The following SHISA7 variants were observed in gnomAD, a reference collection of about 807,000 sequenced individuals.
SHISA7 encodes shisa family member 7.
A neutral mutation model predicts 23.9 loss-of-function variants in SHISA7; 6 were observed. The ratio of observed to expected loss-of-function variants is 0.25; its 90% CI spans 0.14 to 0.50. The LOEUF (loss-of-function observed/expected upper bound fraction) is 0.50, where lower values mean the gene tolerates loss of function less well. Ranked by LOEUF, SHISA7 falls within the 20% of genes least tolerant of loss-of-function variation. The probability of loss-of-function intolerance (pLI) is 0.98; values close to 1 mark genes in which losing one functional copy is unlikely to be tolerated. For missense variants in SHISA7, 671 were observed against 801.1 expected (o/e 0.84, Z 1.96); for synonymous variants, 386 against 398.3 (o/e 0.97, Z 0.37).
Position 55,430,703 on chromosome 19 carries a change from A to G in SHISA7, c.*2453T>C, listed in dbSNP as rs1985164782. 6.6e-6 allele frequency: 1 copy of G among 151,358 alleles called. No individual in the cohort carries two copies. The highest frequency in any genetic ancestry group is 2.1e-4 in the South Asian group (1 of 4,784). 9.4% of individuals were successfully genotyped at this position (151,358 alleles called of 1,614,324 possible). ...GATGATGACACCAGGGTTATGGTGG[A>G]TCCTAGTGGATGGTGACAGCACTGG... On this transcript the variant is annotated 3_prime_UTR_variant, in exon 4 of 4. Coordinates refer to ENST00000376325, the MANE Select transcript of SHISA7 (RefSeq NM_001145176.2).
At chr19:55,434,411 GGT>G (rs538856764) in intron 3 of SHISA7, among the ~76,000 whole-genome samples, 2,054 of 141,604 alleles carry the variant, frequency 0.015, 20 homozygotes, top group Non-Finnish European at 0.022. Flanking sequence ...TGGTGTGTGT[GGT>G]GTGTGTGTAT....
rs1985263510 is a variant in SHISA7 at position 55,433,474 on chromosome 19, G to C, written c.1299C>G (p.Arg433=). The C allele has an allele frequency of 4.2e-6, 6 of 1,414,474 alleles. 1 individual carries two copies. The highest frequency in any genetic ancestry group is 5.5e-6 in the Non-Finnish European group (6 of 1,090,794). The allele number at this position is 1,414,474 out of a possible 1,614,324, so 87.6% of individuals were successfully genotyped here. A position where few individuals can be genotyped will look rare whatever the true frequency, so the allele number is the denominator to read the frequency against. The change falls in exon 4 of 4, where the codon CGC becomes CGG. Residue 433 remains arginine (R), a synonymous_variant. Coordinates refer to ENST00000376325, the MANE Select transcript of SHISA7 (RefSeq NM_001145176.2). The surrounding 1 kb of genome is among the most constrained non-coding windows in gnomAD (Gnocchi z 8.4). ...TGGGGTCGGGGGGCAGCGCGGGGCT[G>C]CGCGGGGGCGACAGCAGGTGCTCGC... ...QSREHLLSPP[R]SPALPPDPTA...
Position 55,442,225 on chromosome 19 carries a change from C to A in SHISA7, c.639G>T (p.Ala213=). ...CGTTGATATCCCGGTGCGCCCGGGG[C>A]GCACGGGACGCCTTGCTGAAGGCCA... The part of the protein sequence containing the change: ...AKVAFSKASR[A]PRAHRDINVP... The change falls in exon 1 of 4, where the codon GCG becomes GCT. Residue 213 remains alanine, a synonymous_variant. Transcript: ENST00000376325. 1 of 1,534,112 alleles carries A rather than the reference C, an allele frequency of 6.5e-7. No homozygotes were observed. Among genetic ancestry groups the A allele is most frequent in the Non-Finnish European group, 8.7e-7 (1 of 1,145,868 alleles).
At position 55,431,097 on chromosome 19, in the gene SHISA7, A is replaced by T. The variant is rs1346909303; in HGVS notation, c.*2059T>A. 6.6e-6 allele frequency: 1 copy of T among 152,134 alleles called. No individual in the cohort carries two copies. The highest frequency in any genetic ancestry group is 1.5e-5 in the Non-Finnish European group (1 of 68,058). 9.4% of individuals were successfully genotyped at this position (152,134 alleles called of 1,614,324 possible). ...TGGCTCTCGTGGATCCTGGCAGGTG[A>T]TAACACCATAGTTGAAGTGGATACT... On this transcript the variant is annotated 3_prime_UTR_variant, in exon 4 of 4. Coordinates refer to ENST00000376325, the MANE Select transcript of SHISA7 (RefSeq NM_001145176.2).
chr19:55,436,632 G>A (rs949798100), intron 3 of SHISA7, among the ~76,000 whole-genome samples: 1 of 151,908 alleles, frequency 6.6e-6, no homozygotes, highest in African/African-American at 2.4e-5. Context: ...TTTCTGGCTG[G>A]GTATGGTGGG....
intron 2 of SHISA7, 82 bp downstream of exon 2, chr19:55,440,529 G>C: frequency 8.2e-7 from 1 of 1,213,986 alleles, no homozygotes; most frequent in Non-Finnish European, 1.0e-6. Context: ...GATGGGGGTG[G>C]AGCCGCCATG....
At position 55,443,134 on chromosome 19, in the gene SHISA7, G is replaced by A. The variant is rs531196574; in HGVS notation, c.-271C>T. Among the ~76,000 whole-genome samples, 1 of 151,748 alleles carries A rather than the reference G, an allele frequency of 6.6e-6. No homozygotes were observed. Among genetic ancestry groups the A allele is most frequent in the Admixed American group, 6.6e-5 (1 of 15,248 alleles). On this transcript the variant is annotated 5_prime_UTR_variant, in exon 1 of 4. Transcript: ENST00000376325. ...TGGGAGAGTAATGGAAACGCGCCCG[G>A]GCACGGCTGGGGGAGAGAAATGAGC... is the stretch of plus-strand genomic sequence containing the variant.
Position 55,433,238 on chromosome 19 carries a change from G to A in SHISA7, c.1535C>T (p.Thr512Met). The change falls in exon 4 of 4, where the codon ACG becomes ATG. Residue 512 changes from threonine to methionine, a missense_variant. This residue lies in a region of SHISA7 where 457 missense variants were observed against 488.3 expected (regional missense o/e 0.94). Transcript: ENST00000376325. The surrounding 1 kb of genome is among the most constrained non-coding windows in gnomAD (Gnocchi z 8.4). ...ARRPPFQRQG[T>M]LEQLQFIPGH... Reference sequence around the variant, plus strand: ...CGGGATGAACTGCAGCTGCTCCAGCGTGCCCTGGCGCTGGAAGGGCGGCCT... The same window carrying A: ...CGGGATGAACTGCAGCTGCTCCAGCATGCCCTGGCGCTGGAAGGGCGGCCT... 1 of 1,523,976 alleles carries A rather than the reference G, an allele frequency of 6.6e-7. No homozygotes were observed. The allele number at this position is 1,523,976 out of a possible 1,614,324, so 94.4% of individuals were successfully genotyped here.
chr19:55,435,142 A>G (rs1024020778), intron 3 of SHISA7, among the ~76,000 whole-genome samples: 159 of 35,664 alleles, frequency 4.5e-3, no homozygotes, highest in Middle Eastern at 0.071. Context: ...GTGTATGTGT[A>G]TGGTGTGTGT....
chr19:55,435,202 GTGGTGTGTGTA>G (rs770923478), intron 3 of SHISA7, among the ~76,000 whole-genome samples: 151 of 137,170 alleles, frequency 1.1e-3, no homozygotes, highest in Non-Finnish European at 1.9e-3. Flanking sequence ...GTATGTGTGT[GTGGTGTGTGTA>G]TGGTGTGTGT....
chr19:55,436,241 G>T (rs1460938975), intron 3 of SHISA7, among the ~76,000 whole-genome samples: 1 of 148,908 alleles, frequency 6.7e-6, no homozygotes, highest in Admixed American at 6.7e-5. Context: ...GAGCCGAGAT[G>T]GTGCCATTGC....
At chr19:55,435,226 ATG>A (rs746948100) in intron 3 of SHISA7, among the ~76,000 whole-genome samples, 970 of 62,426 alleles carry the variant, frequency 0.016, 8 homozygotes, top group East Asian at 0.043. Context: ...GTGTGTGTGT[ATG>A]TGTGTGTGCG....
Position 55,433,248 on chromosome 19 carries a change from G to C in SHISA7, c.1525C>G (p.Arg509Gly). ...TGCAGCTGCTCCAGCGTGCCCTGGC[G>C]CTGGAAGGGCGGCCTGCGGGCCAGT... ...GTLARRPPFQ[R>G]QGTLEQLQFI... The change falls in exon 4 of 4, where the codon CGC becomes GGC. Residue 509 changes from arginine (R) to glycine (G), a missense_variant. Around this residue, in one of 5 missense-constraint regions of SHISA7, gnomAD observed 457 missense variants for 488.3 expected, o/e 0.94. Transcript: ENST00000376325. The surrounding 1 kb of genome is among the most constrained non-coding windows in gnomAD (Gnocchi z 8.4). The C allele has an allele frequency of 6.6e-7, 1 of 1,522,194 alleles. No individual in the cohort carries two copies. The highest frequency in any genetic ancestry group is 8.8e-7 in the Non-Finnish European group (1 of 1,141,258). The allele number at this position is 1,522,194 out of a possible 1,614,324, so 94.3% of individuals were successfully genotyped here. A position where few individuals can be genotyped will look rare whatever the true frequency, so the allele number is the denominator to read the frequency against.
chr19:55,442,639 C>T lies in SHISA7; in HGVS notation c.225G>A (p.Ala75=), dbSNP rs899987791. 11 of 1,344,708 alleles carry T rather than the reference C, an allele frequency of 8.2e-6. No homozygotes were observed. The highest frequency in any genetic ancestry group is 3.1e-5 in the African/African-American group (2 of 64,144). 83.3% of individuals were successfully genotyped at this position (1,344,708 alleles called of 1,614,324 possible). Residue 75 remains alanine, a synonymous_variant, in exon 1 of 4, where the codon GCG becomes GCA. Transcript: ENST00000376325. Reference sequence around the variant, plus strand: ...CGTGGCAGAGCTCGGCGGGAGGGGGCGCCCGGGCCGCCGCGCCCGCCCCGC... The same window carrying T: ...CGTGGCAGAGCTCGGCGGGAGGGGGTGCCCGGGCCGCCGCGCCCGCCCCGC... ...PAGGAGAAAR[A]PPPAELCHGY... is the part of the protein sequence containing the mutation.
At chr19:55,435,353 G>GTGGT (rs1568451263) in intron 3 of SHISA7, among the ~76,000 whole-genome samples, 2 of 121,846 alleles carry the variant, frequency 1.6e-5, no homozygotes, top group South Asian at 3.0e-4. Flanking sequence ...TGGTGTGTAT[G>GTGGT]GTGTGTGTGT....
chr19:55,441,471 C>T (rs1459857952), intron 1 of SHISA7, among the ~76,000 whole-genome samples: 1 of 152,262 alleles, frequency 6.6e-6, no homozygotes, highest in Non-Finnish European at 1.5e-5. Context: ...CGCTTCCCTG[C>T]CCTGCAGGCC....
chr19:55,430,661 C>T lies in SHISA7; in HGVS notation c.*2495G>A, dbSNP rs1376193360. On this transcript the variant is annotated 3_prime_UTR_variant, in exon 4 of 4. Coordinates refer to ENST00000376325, the MANE Select transcript of SHISA7 (RefSeq NM_001145176.2). ...CCTAGTAGATGGTGACAACACTGGACCTCATGGATCCTGGGAGATGATGAC... is the reference window on the plus strand; with the variant it reads ...CCTAGTAGATGGTGACAACACTGGATCTCATGGATCCTGGGAGATGATGAC... The T allele has an allele frequency of 1.3e-5, 2 of 151,346 alleles. No individual in the cohort carries two copies. Among genetic ancestry groups the T allele is most frequent in the African/African-American group, 4.9e-5 (2 of 41,026 alleles). The allele number at this position is 151,346 out of a possible 1,614,324, so 9.4% of individuals were successfully genotyped here.
At position 55,437,774 on chromosome 19, in the gene SHISA7, G is replaced by A. The variant is rs1486949299; in HGVS notation, c.827-20C>T. On this transcript the variant is annotated intron_variant, in intron 2 of 3. Transcript: ENST00000376325. ...GCCAGTCTGGGTTAGAGGGGGCAGG[G>A]CCAGGGTCAGTCAGCTTCCTCCCTC... 2.6e-6 allele frequency: 4 copies of A among 1,543,472 alleles called. No individual in the cohort carries two copies. The Admixed American group carries it at 5.9e-5, about 23-fold the overall frequency.
chr19:55,433,784 A>G lies in SHISA7; in HGVS notation c.989T>C (p.Leu330Pro). ...CCGGCGCTTCAGGTAGGCCTCGTCC[A>G]GATCCTTCTCGGCTGCGGGGAGAGG... ...SSLKRLAEKD[L>P]DEAYLKRRPL... Residue 330 changes from leucine (L) to proline (P), a missense_variant, in exon 4 of 4, where the codon CTG becomes CCG. By Grantham distance (98) the Leu-to-Pro change is moderately conservative. Transcript: ENST00000376325. This position sits in a 1 kb window ranked among gnomAD's most constrained non-coding sequence, Gnocchi z 8.4. 2.1e-6 allele frequency: 3 copies of G among 1,422,920 alleles called. No individual in the cohort carries two copies. Among genetic ancestry groups the G allele is most frequent in the Non-Finnish European group, 2.7e-6 (3 of 1,097,302 alleles). 88.1% of individuals were successfully genotyped at this position (1,422,920 alleles called of 1,614,324 possible). A position where few individuals can be genotyped will look rare whatever the true frequency, so the allele number is the denominator to read the frequency against.
Sources: gnomAD v4.1 joint callset for allele counts (sites outside exome capture counted in the v4.1 genomes callset) on GRCh38, gnomAD v4.1.1 for gene constraint, gnomAD v4.1.1 regional missense constraint, Gnocchi (gnomAD v3.1) non-coding constraint, MANE v1.5 for transcripts, NCBI Gene and HGNC (gene_info 2026-07-23, HGNC 2026-07-21) for gene names.